The following CYTH3 variants were observed in gnomAD, a reference collection of about 807,000 sequenced individuals.
The protein encoded by CYTH3 is cytohesin 3.
A neutral mutation model predicts 55.1 loss-of-function variants in CYTH3; 23 were observed. The ratio of observed to expected loss-of-function variants is 0.42; its 90% confidence interval spans 0.30 to 0.59. CYTH3 has a LOEUF of 0.59. CYTH3 is among the 20% of genes least tolerant of loss of function. The probability of loss-of-function intolerance (pLI) is 0.20; values close to 1 mark genes in which losing one functional copy is unlikely to be tolerated. For synonymous variants in CYTH3, 249 were observed against 194.9 expected (o/e 1.28, Z -2.31); for missense variants, 413 against 524.8 (o/e 0.79, Z 2.08).
chr7:6,173,175 A>C, intron 6 of CYTH3: 1 of 600,812 alleles, frequency 1.7e-6, no homozygotes, highest in Non-Finnish European at 2.1e-6. Flanking sequence ...GAGCAGGAGG[A>C]AGACAACGTG....
chr7:6,266,276 C>T (rs1780489892), intron 1 of CYTH3, among the ~76,000 whole-genome samples: 1 of 152,160 alleles, frequency 6.6e-6, no homozygotes, highest in Non-Finnish European at 1.5e-5. Flanking sequence ...GTTCCAATCA[C>T]AGCTCCATCA....
At chr7:6,174,570 C>T (rs1397399839) in intron 5 of CYTH3, among the ~76,000 whole-genome samples, 2 of 111,022 alleles carry the variant, frequency 1.8e-5, no homozygotes, top group East Asian at 5.9e-4. Flanking sequence ...TTTTTCCAGA[C>T]AGAGTCTCGC....
At chr7:6,177,795 T>A in intron 5 of CYTH3, 28 bp downstream of exon 5, 1 of 1,561,124 alleles carries the variant, frequency 6.4e-7, no homozygotes, top group Non-Finnish European at 8.8e-7. Flanking sequence ...TGGCCCCAGG[T>A]AGGGCTTTGC....
rs992613505 is a variant in CYTH3, at chr7:6,162,746, G to C, written c.*2198C>G. 6.6e-6 allele frequency: 1 copy of C among 152,310 alleles called. No individual in the cohort carries two copies. Among genetic ancestry groups the C allele is most frequent in the African/African-American group, 2.4e-5 (1 of 41,452 alleles). The allele number at this position is 152,310 out of a possible 1,614,324, so 9.4% of individuals were successfully genotyped here. On this transcript the variant is annotated 3_prime_UTR_variant, in exon 13 of 13. Coordinates refer to ENST00000350796, the MANE Select transcript of CYTH3 (RefSeq NM_004227.4). ...GCTCATTCACAGATGACAGCAAAGG[G>C]GGAGCTTGATCATCTGGCGACTCCT...
intron 1 of CYTH3, among the ~76,000 whole-genome samples, chr7:6,208,329 C>T (rs759309727): frequency 3.3e-5 from 5 of 152,198 alleles, no homozygotes; most frequent in Non-Finnish European, 4.4e-5. Context: ...TATAAACATC[C>T]TCTTGACAAC....
chr7:6,249,242 AAGAT>A (rs1223584488), intron 1 of CYTH3, among the ~76,000 whole-genome samples: 1 of 152,144 alleles, frequency 6.6e-6, no homozygotes, highest in Non-Finnish European at 1.5e-5. Flanking sequence ...GGGGATGAAA[AAGAT>A]AGGGCCCTTT....
In CYTH3 at chr7:6,169,309, C is replaced by G. The variant is rs1228479797; in HGVS notation, c.823+1226G>C. Among the ~76,000 whole-genome samples, 1 of 152,196 alleles carries G rather than the reference C, an allele frequency of 6.6e-6. No homozygotes were observed. Among genetic ancestry groups the G allele is most frequent in the African/African-American group, 2.4e-5 (1 of 41,440 alleles). On this transcript the variant is annotated intron_variant, in intron 9 of 12. Transcript: ENST00000350796. This position sits in a 1 kb window ranked among gnomAD's most constrained non-coding sequence, Gnocchi z 4.1. ...AGTCATGGTTCATTGGAGCCTCAAC[C>G]TCCTGGGCTCAGGCCATCCTCCTGC...
chr7:6,266,973 G>C (rs923324102), intron 1 of CYTH3, among the ~76,000 whole-genome samples: 3 of 152,214 alleles, frequency 2.0e-5, no homozygotes, highest in Admixed American at 6.5e-5. Flanking sequence ...GGCAGGACTT[G>C]GAGGGGAGGC....
Position 6,186,019 on chromosome 7 carries a change from C to T in CYTH3, c.249+1031G>A, listed in dbSNP as rs1053013938. Among the ~76,000 whole-genome samples the T allele has an allele frequency of 4.6e-5, 7 of 151,784 alleles. No individual in the cohort carries two copies. The East Asian group carries it at 5.8e-4, about 13-fold the overall frequency. ...CAGCACTTTGGGAGGCCGAGGCGGG[C>T]GGATCATGAGGTCAGGAGATCAAGA... On this transcript the variant is annotated intron_variant, in intron 4 of 12. Transcript: ENST00000350796.
At chr7:6,259,801 A>AT (rs1214140575) in intron 1 of CYTH3, among the ~76,000 whole-genome samples, 1 of 24,102 alleles carries the variant, frequency 4.1e-5, no homozygotes, top group Non-Finnish European at 5.8e-5. Flanking sequence ...ATATATATAT[A>AT]TATATATATA....
At chr7:6,243,378 G>A (rs952591034) in intron 1 of CYTH3, among the ~76,000 whole-genome samples, 9 of 152,318 alleles carry the variant, frequency 5.9e-5, no homozygotes, top group East Asian at 1.9e-4. Flanking sequence ...AAAGCTAACC[G>A]AGCACATGCT....
chr7:6,193,594 T>G (rs1037957720), intron 1 of CYTH3, among the ~76,000 whole-genome samples: 12 of 152,250 alleles, frequency 7.9e-5, no homozygotes, highest in African/African-American at 2.9e-4. Flanking sequence ...GTAACCTAAT[T>G]TACGTGAGAG....
chr7:6,174,890 G>C (rs969049514), intron 5 of CYTH3, among the ~76,000 whole-genome samples: 1 of 152,178 alleles, frequency 6.6e-6, no homozygotes, highest in African/African-American at 2.4e-5. Flanking sequence ...GATCAATTGA[G>C]CATTTTTTCC....
intron 2 of CYTH3, among the ~76,000 whole-genome samples, chr7:6,190,224 G>A (rs1029292727): frequency 1.3e-5 from 2 of 151,830 alleles, no homozygotes; most frequent in Non-Finnish European, 2.9e-5. Context: ...TTCTACCCGG[G>A]GTCTCACTGC....
At chr7:6,179,511 G>T (rs1783421277) in intron 4 of CYTH3, among the ~76,000 whole-genome samples, 1 of 151,898 alleles carries the variant, frequency 6.6e-6, no homozygotes, top group East Asian at 1.9e-4. Flanking sequence ...AAATCAGTGA[G>T]TCTAACAATC....
intron 1 of CYTH3, among the ~76,000 whole-genome samples, chr7:6,259,757 T>TTATATATATATAA (rs1780242790): frequency 2.7e-5 from 1 of 37,466 alleles, no homozygotes; most frequent in African/African-American, 2.4e-4. Context: ...TATATATATA[T>TTATATATATATAA]TATATATATA....
chr7:6,269,334 T>C (rs548597652), intron 1 of CYTH3, among the ~76,000 whole-genome samples: 1 of 152,342 alleles, frequency 6.6e-6, no homozygotes, highest in South Asian at 2.1e-4. Flanking sequence ...ATCACCTGTC[T>C]GAAGGTGAAA....
intron 1 of CYTH3, among the ~76,000 whole-genome samples, chr7:6,257,330 C>G (rs1279701874): frequency 6.6e-6 from 1 of 152,150 alleles, no homozygotes; most frequent in Non-Finnish European, 1.5e-5. Flanking sequence ...TTTGTCTGAT[C>G]CTTTCTCAAC....
At chr7:6,168,945 C>T (rs1043716061) in intron 9 of CYTH3, among the ~76,000 whole-genome samples, 5 of 152,174 alleles carry the variant, frequency 3.3e-5, no homozygotes, top group Non-Finnish European at 7.3e-5. Context: ...GAGTGCCTGC[C>T]GGCATTTCCG....
Sources: gnomAD v4.1 joint callset for allele counts (sites outside exome capture counted in the v4.1 genomes callset) on GRCh38, gnomAD v4.1.1 for gene constraint, Gnocchi (gnomAD v3.1) non-coding constraint, MANE v1.5 for transcripts, NCBI Gene and HGNC (gene_info 2026-07-23, HGNC 2026-07-21) for gene names.